The following COL25A1 variants were observed in gnomAD, a reference collection of about 807,000 sequenced individuals.
The protein encoded by COL25A1 is collagen type XXV alpha 1 chain.
A neutral mutation model predicts 128.4 loss-of-function variants in COL25A1; 103 were observed. That is an observed-to-expected ratio of 0.80 (90% CI 0.68 to 0.94). COL25A1 has a LOEUF of 0.94. Ranked by LOEUF, COL25A1 falls within the 40% of genes least tolerant of loss-of-function variation. The pLI, the probability that COL25A1 is intolerant of heterozygous loss-of-function variation, is 0.00. For missense variants in COL25A1, 745 were observed against 840.0 expected, an observed-to-expected ratio of 0.89 and a Z score of 1.40; for synonymous variants, 279 against 277.2, an observed-to-expected ratio of 1.01 and a Z score of -0.06.
intron 16 of COL25A1, among the ~76,000 whole-genome samples, chr4:108,894,156 T>C (rs1423015421): frequency 6.6e-6 from 1 of 152,190 alleles, no homozygotes; most frequent in Non-Finnish European, 1.5e-5. Context: ...AAGAACAGTA[T>C]TCCTTTGAGA....
At chr4:109,110,530 G>T (rs3108935) in intron 3 of COL25A1, among the ~76,000 whole-genome samples, 36,264 of 151,874 alleles carry the variant, frequency 0.24, 5,525 homozygotes, top group African/African-American at 0.42. Context: ...TCTGTAGTTT[G>T]AGCTCTCATA....
chr4:109,087,845 G>A (rs1764550627), intron 3 of COL25A1, among the ~76,000 whole-genome samples: 1 of 152,024 alleles, frequency 6.6e-6, no homozygotes, highest in Non-Finnish European at 1.5e-5. Flanking sequence ...TCAAATAGCT[G>A]CAGTGGACTG....
At chr4:109,237,338 A>T (rs2126226883) in intron 3 of COL25A1, among the ~76,000 whole-genome samples, 1 of 152,238 alleles carries the variant, frequency 6.6e-6, no homozygotes. Context: ...CTCCATTCAT[A>T]AGTGGAGATG....
At chr4:109,000,778 A>C in intron 6 of COL25A1, among the ~76,000 whole-genome samples, 1 of 140,906 alleles carries the variant, frequency 7.1e-6, no homozygotes, top group East Asian at 2.1e-4. Context: ...AGAAAAAACT[A>C]TACACATAAC....
At chr4:108,882,773 A>G (rs1404951807) in intron 19 of COL25A1, among the ~76,000 whole-genome samples, 1 of 152,210 alleles carries the variant, frequency 6.6e-6, no homozygotes, top group Non-Finnish European at 1.5e-5. Flanking sequence ...TTAAAAGGAC[A>G]TATCTGAACT....
At chr4:108,853,260 A>C (rs1736023245) in intron 24 of COL25A1, among the ~76,000 whole-genome samples, 1 of 152,120 alleles carries the variant, frequency 6.6e-6, no homozygotes, top group African/African-American at 2.4e-5. Flanking sequence ...AAATTTTGCT[A>C]TTGATAAAAG....
At chr4:109,260,684 C>T (rs1055582699) in intron 3 of COL25A1, among the ~76,000 whole-genome samples, 11 of 151,940 alleles carry the variant, frequency 7.2e-5, no homozygotes, top group African/African-American at 2.7e-4. Context: ...TTAGTAGAGA[C>T]GGGGTTTCAC....
chr4:109,169,292 T>C (rs775852299), intron 3 of COL25A1, among the ~76,000 whole-genome samples: 1 of 152,178 alleles, frequency 6.6e-6, no homozygotes, highest in African/African-American at 2.4e-5. Context: ...CCTGGCAAAC[T>C]TCCTAATCTA....
At chr4:108,904,178 TCAACTGA>T (rs1743181587) in intron 13 of COL25A1, among the ~76,000 whole-genome samples, 1 of 152,154 alleles carries the variant, frequency 6.6e-6, no homozygotes, top group African/African-American at 2.4e-5. Context: ...TGCTGATTAT[TCAACTGA>T]CAGTGAAAAT....
rs568547665 is a variant in COL25A1 at position 108,965,231 on chromosome 4, G to A, written c.492+9136C>T. ...TACTCGAATACACTAGGAGGAGAAA[G>A]GAATTTTATGAAAATGTGAAGCAGA... On this transcript the variant is annotated intron_variant, in intron 8 of 37. Transcript: ENST00000399132. Among the ~76,000 whole-genome samples the A allele has an allele frequency of 3.3e-5, 5 of 152,288 alleles. No individual in the cohort carries two copies. The East Asian group carries it at 7.7e-4, about 24-fold the overall frequency.
intron 3 of COL25A1, among the ~76,000 whole-genome samples, chr4:109,210,412 C>T (rs79991642): frequency 0.023 from 3,452 of 152,302 alleles, 111 homozygotes; most frequent in African/African-American, 0.071. Flanking sequence ...TAGTCGCTCT[C>T]TCTTTTAAGT....
chr4:109,181,122 A>G (rs1480324521), intron 3 of COL25A1, among the ~76,000 whole-genome samples: 1 of 152,156 alleles, frequency 6.6e-6, no homozygotes, highest in Non-Finnish European at 1.5e-5. Context: ...CACATTTTTA[A>G]AGCTTTTCAC....
intron 8 of COL25A1, among the ~76,000 whole-genome samples, chr4:108,958,124 AT>A (rs1330502003): frequency 6.6e-6 from 1 of 152,084 alleles, no homozygotes; most frequent in African/African-American, 2.4e-5. Flanking sequence ...CTTTCAATTT[AT>A]TTTTATATCA....
chr4:108,905,857 G>GGC (rs1560838035), intron 13 of COL25A1, among the ~76,000 whole-genome samples: 100 of 148,516 alleles, frequency 6.7e-4, no homozygotes, highest in East Asian at 1.9e-3. Flanking sequence ...TGTCGGGGGG[G>GGC]GGTGCGGGGG....
chr4:109,120,974 AT>A (rs1395249931), intron 3 of COL25A1, among the ~76,000 whole-genome samples: 1 of 152,146 alleles, frequency 6.6e-6, no homozygotes, highest in African/African-American at 2.4e-5. Context: ...ATGGAGAGAC[AT>A]TCCATATTCA....
intron 3 of COL25A1, among the ~76,000 whole-genome samples, chr4:109,171,351 C>T (rs538135309): frequency 6.6e-6 from 1 of 152,118 alleles, no homozygotes; most frequent in Non-Finnish European, 1.5e-5. Flanking sequence ...AACCCTAATC[C>T]CAGTTTGATA....
At chr4:109,091,827 A>G (rs968377473) in intron 3 of COL25A1, among the ~76,000 whole-genome samples, 2 of 151,982 alleles carry the variant, frequency 1.3e-5, no homozygotes, top group African/African-American at 4.8e-5. Context: ...ACACATCACC[A>G]CTTATTTTGA....
chr4:108,816,030 G>C (rs1353912488), intron 37 of COL25A1, among the ~76,000 whole-genome samples: 1 of 152,004 alleles, frequency 6.6e-6, no homozygotes, highest in East Asian at 1.9e-4. Context: ...AGCTCAAGAT[G>C]GTATTAAAAA....
intron 3 of COL25A1, among the ~76,000 whole-genome samples, chr4:109,132,984 T>G (rs1005040513): frequency 1.3e-5 from 2 of 152,086 alleles, no homozygotes; most frequent in African/African-American, 4.8e-5. Flanking sequence ...ATATTTGATT[T>G]GTGGACCTGA....
Sources: gnomAD v4.1 joint callset for allele counts (sites outside exome capture counted in the v4.1 genomes callset) on GRCh38, gnomAD v4.1.1 for gene constraint, MANE v1.5 for transcripts, NCBI Gene and HGNC (gene_info 2026-07-23, HGNC 2026-07-21) for gene names.